FBRSL1: variants seen among roughly 807,000 people sequenced by gnomAD.
The protein encoded by FBRSL1 is fibrosin-1-like protein.
FBRSL1 carries 51 observed loss-of-function variants against 89.6 expected under a neutral mutation model. The observed-to-expected ratio is 0.57, with a 90% CI of 0.45 to 0.72. The LOEUF (loss-of-function observed/expected upper bound fraction) is 0.72, where lower values mean the gene tolerates loss of function less well. FBRSL1 is among the 30% of genes least tolerant of loss of function. FBRSL1 has a pLI of 0.00. For missense variants in FBRSL1, 1,618 were observed against 1,451.8 expected (o/e 1.11, Z -1.86); for synonymous variants, 779 against 681.1 (o/e 1.14, Z -2.24).
intron 5 of FBRSL1, chr12:132,551,281 C>G (rs1244780822): frequency 2.5e-6 from 1 of 406,226 alleles, no homozygotes; most frequent in Non-Finnish European, 5.1e-6. Context: ...TTACAGGGAC[C>G]CTCAGAGACC....
rs774717348 is a variant in FBRSL1, at chr12:132,490,657, C to A, written c.87C>A (p.Ala29=). The A allele has an allele frequency of 1.9e-3, 1,917 of 993,504 alleles. No homozygotes were observed. Among genetic ancestry groups the A allele is most frequent in the Non-Finnish European group, 2.2e-3 (1,839 of 833,772 alleles). 61.5% of individuals were successfully genotyped at this position (993,504 alleles called of 1,614,324 possible). ...RRREAARDAR[A]QSPSSGDEPE... is the part of the protein sequence containing the mutation. ...GGGAGGCCGCCCGCGACGCCCGCGC[C>A]CAGAGTCCGTCGTCGGGCGACGAGC... The change falls in exon 1 of 19, where the codon GCC becomes GCA. Residue 29 remains alanine (A), a synonymous_variant. Coordinates refer to ENST00000680143, the MANE Select transcript of FBRSL1 (RefSeq NM_001367871.1).
chr12:132,520,302 C>G (rs1206653100), intron 2 of FBRSL1, among the ~76,000 whole-genome samples: 1 of 152,166 alleles, frequency 6.6e-6, no homozygotes, highest in African/African-American at 2.4e-5. Flanking sequence ...GGAGAGCTCC[C>G]TTTCCCTGGC....
At chr12:132,491,326 A>G (rs2030908669) in intron 1 of FBRSL1, among the ~76,000 whole-genome samples, 1 of 152,176 alleles carries the variant, frequency 6.6e-6, no homozygotes, top group South Asian at 2.1e-4. Context: ...GTTAATCTCA[A>G]GACCCCTCTT....
chr12:132,577,040 AG>A, intron 15 of FBRSL1, 109 bp downstream of exon 15: 1 of 1,406,288 alleles, frequency 7.1e-7, no homozygotes, highest in East Asian at 2.6e-5. Context: ...CCGCAGCACC[AG>A]CCTTTGCTTC....
At chr12:132,580,790 T>C in intron 15 of FBRSL1, 1 of 985,468 alleles carries the variant, frequency 1.0e-6, no homozygotes, top group Non-Finnish European at 1.2e-6. Flanking sequence ...TGCTGGTCTT[T>C]ACCAGAAACC....
At chr12:132,570,624 G>T in intron 8 of FBRSL1, 84 bp downstream of exon 8, 2 of 1,184,148 alleles carry the variant, frequency 1.7e-6, no homozygotes, top group Non-Finnish European at 2.3e-6. Flanking sequence ...GCACAGCCTG[G>T]CCCTCCACCT....
At position 132,583,530 on chromosome 12, in the gene FBRSL1, C is replaced by G. The variant is rs2040941238; in HGVS notation, c.2761C>G (p.Leu921Val). Residue 921 changes from leucine to valine, a missense_variant, in exon 19 of 19, where the codon CTG becomes GTG. By Grantham distance (32) the Leu-to-Val change is conservative. Coordinates refer to ENST00000680143, the MANE Select transcript of FBRSL1 (RefSeq NM_001367871.1). ...CGCCGCCCCCGCCTTGGACGGCGCGCTGCTGCCCTCGCTGGGAGCCCTGCA... is the reference window on the plus strand; with the variant it reads ...CGCCGCCCCCGCCTTGGACGGCGCGGTGCTGCCCTCGCTGGGAGCCCTGCA... ...PPAAPALDGALLPSLGALHFP... is the reference protein window; with the variant it reads ...PPAAPALDGAVLPSLGALHFP... The G allele has an allele frequency of 2.9e-6, 3 of 1,047,704 alleles. No homozygotes were observed. The highest frequency in any genetic ancestry group is 3.5e-6 in the Non-Finnish European group (3 of 869,112). The allele number at this position is 1,047,704 out of a possible 1,614,324, so 64.9% of individuals were successfully genotyped here. A position where few individuals can be genotyped will look rare whatever the true frequency, so the allele number is the denominator to read the frequency against.
intron 1 of FBRSL1, among the ~76,000 whole-genome samples, chr12:132,501,985 C>T (rs2033036858): frequency 3.3e-5 from 5 of 152,232 alleles, no homozygotes; most frequent in Admixed American, 3.3e-4. Context: ...AATGACTTGC[C>T]TTTCCTTTTA....
intron 4 of FBRSL1, among the ~76,000 whole-genome samples, chr12:132,540,680 G>A (rs564616074): frequency 6.6e-6 from 1 of 152,238 alleles, no homozygotes; most frequent in African/African-American, 2.4e-5. Flanking sequence ...TGTGGCGCCT[G>A]CTCTGGGCTC....
chr12:132,571,501 A>ACGCCGCC (rs2137904175), intron 9 of FBRSL1: 1 of 1,520,400 alleles, frequency 6.6e-7, no homozygotes, highest in Non-Finnish European at 8.8e-7. Flanking sequence ...GCTGCCCCCG[A>ACGCCGCC]CGCCGCCCGC....
chr12:132,502,724 GC>G lies in FBRSL1; in HGVS notation c.292-5426del, dbSNP rs1239021306. ...CCCACCTCCCTGCTTCAGGCCTCGA[GC>G]CCGCTATCCCCATGCCTGCCTGTCC... On this transcript the variant is annotated intron_variant, in intron 1 of 18. Transcript: ENST00000680143. 3.5e-3 allele frequency among the ~76,000 whole-genome samples: 497 copies of G among 141,402 alleles called. 3 individuals are homozygous for G. Among genetic ancestry groups the G allele is most frequent in the African/African-American group, 0.013 (463 of 36,856 alleles). 92.8% of individuals were successfully genotyped at this position (141,402 alleles called of 152,430 possible).
intron 3 of FBRSL1, 22 bp downstream of exon 3, chr12:132,525,845 C>G: frequency 6.5e-7 from 1 of 1,533,004 alleles, no homozygotes; most frequent in Non-Finnish European, 8.8e-7. Context: ...GCTGCCCGCG[C>G]CCGGAGGCTC....
intron 2 of FBRSL1, among the ~76,000 whole-genome samples, chr12:132,513,385 C>A (rs989966438): frequency 6.6e-6 from 1 of 152,010 alleles, no homozygotes; most frequent in African/African-American, 2.4e-5. Context: ...GGGGTGGGGG[C>A]AGCCCAGCCT....
intron 15 of FBRSL1, among the ~76,000 whole-genome samples, chr12:132,578,364 C>CACACACACACACACACACACAT (rs1378648513): frequency 1.4e-5 from 2 of 145,858 alleles, no homozygotes; most frequent in African/African-American, 2.4e-5. Flanking sequence ...CACACACACA[C>CACACACACACACACACACACAT]ACAAAATCAT....
chr12:132,569,239 T>A (rs1381932730), intron 6 of FBRSL1, among the ~76,000 whole-genome samples: 2 of 149,800 alleles, frequency 1.3e-5, no homozygotes, highest in East Asian at 4.0e-4. Context: ...CCCCAGGGGC[T>A]CAGAGGGGCC....
At chr12:132,506,146 T>TG (rs939858194) in intron 1 of FBRSL1, among the ~76,000 whole-genome samples, 45 of 134,236 alleles carry the variant, frequency 3.4e-4, no homozygotes, top group African/African-American at 1.2e-3. Context: ...GACATTCTGG[T>TG]GGGGGTCAGA....
At chr12:132,570,295 A>T (rs889282518) in intron 7 of FBRSL1, 40 bp from the exon 8 acceptor site, 1 of 1,515,650 alleles carries the variant, frequency 6.6e-7, no homozygotes, top group Admixed American at 2.0e-5. Flanking sequence ...GGGGCTCTGC[A>T]GGGGTCGGGC....
At chr12:132,559,584 G>A (rs1193013043) in intron 5 of FBRSL1, among the ~76,000 whole-genome samples, 1 of 151,982 alleles carries the variant, frequency 6.6e-6, no homozygotes, top group African/African-American at 2.4e-5. Flanking sequence ...GAGACGGGCG[G>A]GGGTGGGGGG....
At position 132,581,738 on chromosome 12, in the gene FBRSL1, C is replaced by G; in HGVS notation, c.1913-3C>G. On this transcript the variant is annotated splice_region_variant and splice_polypyrimidine_tract_variant and intron_variant, in intron 16 of 18. Coordinates refer to ENST00000680143, the MANE Select transcript of FBRSL1 (RefSeq NM_001367871.1). The stretch of plus-strand genomic sequence containing the variant: ...CCTCTGGGTCCCGCGGTTGCCCCCA[C>G]AGACCCTTTCAGCAGACCGAGCACC... 1 of 1,550,156 alleles carries G rather than the reference C, an allele frequency of 6.5e-7. No individual in the cohort carries two copies. Among genetic ancestry groups the G allele is most frequent in the Admixed American group, 2.0e-5 (1 of 50,998 alleles).
Sources: gnomAD v4.1 joint callset for allele counts (sites outside exome capture counted in the v4.1 genomes callset) on GRCh38, gnomAD v4.1.1 for gene constraint, MANE v1.5 for transcripts, NCBI Gene and HGNC (gene_info 2026-07-23, HGNC 2026-07-21) for gene names.